Variants in RAD50 observed in about 807,000 individuals in gnomAD.
RAD50 encodes the protein RAD50 double strand break repair protein.
In RAD50, 132 loss-of-function variants were observed where a neutral mutation model predicts 168.8. That is an observed-to-expected ratio of 0.78 (90% CI 0.68 to 0.90). The LOEUF (loss-of-function observed/expected upper bound fraction) is 0.90. RAD50 is among the 40% of genes least tolerant of loss of function. RAD50 has a pLI of 0.00. For missense variants in RAD50, 1,347 were observed against 1,534.4 expected, an observed-to-expected ratio of 0.88 and a Z score of 2.04; for synonymous variants, 525 against 497.4, an observed-to-expected ratio of 1.06 and a Z score of -0.74.
At chr5:132,566,773 T>G (rs753816167) in intron 2 of RAD50, among the ~76,000 whole-genome samples, 1 of 152,246 alleles carries the variant, frequency 6.6e-6, no homozygotes, top group African/African-American at 2.4e-5. Flanking sequence ...ACATTTTAGG[T>G]TGATACTCTT....
intron 16 of RAD50, among the ~76,000 whole-genome samples, chr5:132,607,797 T>A (rs998004321): frequency 2.0e-5 from 3 of 152,168 alleles, no homozygotes; most frequent in African/African-American, 4.8e-5. Context: ...GGCATTTGAC[T>A]TCCTAACACA....
At position 132,643,937 on chromosome 5, in the gene RAD50, C is replaced by T; in HGVS notation, c.*1573C>T. On this transcript the variant is annotated 3_prime_UTR_variant, in exon 25 of 25. Transcript: ENST00000378823. ...AGCAGCTATATTTGATAAAATTCAA[C>T]ATCTCCTAGCTTTAGCAAACTCACA... The T allele has an allele frequency of 4.3e-6, 1 of 230,404 alleles. No homozygotes were observed. The allele number at this position is 230,404 out of a possible 1,614,324, so 14.3% of individuals were successfully genotyped here.
At chr5:132,634,884 T>TAAAC (rs1751544288) in intron 21 of RAD50, among the ~76,000 whole-genome samples, 1 of 152,240 alleles carries the variant, frequency 6.6e-6, no homozygotes. Context: ...TTTCTTGTTG[T>TAAAC]AAACACTACT....
chr5:132,612,755 G>A (rs1751108830), intron 19 of RAD50, among the ~76,000 whole-genome samples: 1 of 152,016 alleles, frequency 6.6e-6, no homozygotes, highest in Non-Finnish European at 1.5e-5. Context: ...TTGAGCTGGG[G>A]AGTTCAAGGC....
In RAD50 at chr5:132,642,835, A is replaced by T. The variant is rs1048726050; in HGVS notation, c.*471A>T. Reference sequence around the variant, plus strand: ...AGGATGACCAGAAATGGTGAGATGTATGTTTGGCTCTGCTTTTAACTTTAT... The same window carrying T: ...AGGATGACCAGAAATGGTGAGATGTTTGTTTGGCTCTGCTTTTAACTTTAT... On this transcript the variant is annotated 3_prime_UTR_variant, in exon 25 of 25. Coordinates refer to ENST00000378823, the MANE Select transcript of RAD50 (RefSeq NM_005732.4). 2.5e-5 allele frequency: 9 copies of T among 362,532 alleles called. No homozygotes were observed. The highest frequency in any genetic ancestry group is 1.6e-4 in the African/African-American group (8 of 48,966). 22.5% of individuals were successfully genotyped at this position (362,532 alleles called of 1,614,324 possible).
rs766722948 is a variant in RAD50, at chr5:132,579,530, G to A, written c.551+28G>A. On this transcript the variant is annotated intron_variant, in intron 4 of 24. Coordinates refer to ENST00000378823, the MANE Select transcript of RAD50 (RefSeq NM_005732.4). ...TTGTAACCCTTAAATAGACTTTGTAGTCCATTAAGTTATTGAACTGTGTTT... is the reference window on the plus strand; with the variant it reads ...TTGTAACCCTTAAATAGACTTTGTAATCCATTAAGTTATTGAACTGTGTTT... 7 of 1,587,492 alleles carry A rather than the reference G, an allele frequency of 4.4e-6. No homozygotes were observed. The South Asian group carries it at 5.5e-5, about 13-fold the overall frequency.
At chr5:132,583,976 T>G (rs573260961) in intron 5 of RAD50, among the ~76,000 whole-genome samples, 10 of 152,198 alleles carry the variant, frequency 6.6e-5, no homozygotes, top group Admixed American at 5.2e-4. Context: ...GGATTACAGG[T>G]GTGAGCCACT....
chr5:132,564,270 C>T (rs1363599822), intron 2 of RAD50, among the ~76,000 whole-genome samples: 1 of 152,098 alleles, frequency 6.6e-6, no homozygotes, highest in East Asian at 1.9e-4. Context: ...ATTATTTTGA[C>T]CAAAATGCTG....
At chr5:132,625,288 G>T (rs1025423745) in intron 21 of RAD50, among the ~76,000 whole-genome samples, 3 of 151,714 alleles carry the variant, frequency 2.0e-5, no homozygotes, top group African/African-American at 7.3e-5. Context: ...GGGTTTCACC[G>T]TTTTAGCCGG....
At chr5:132,603,836 T>A in intron 14 of RAD50, 84 bp from the exon 15 acceptor site, 1 of 1,262,538 alleles carries the variant, frequency 7.9e-7, no homozygotes, top group Non-Finnish European at 1.1e-6. Context: ...ATTTAAAAAA[T>A]AAATGATAAG....
chr5:132,562,074 A>T (rs1380677374), intron 2 of RAD50, among the ~76,000 whole-genome samples: 1 of 152,236 alleles, frequency 6.6e-6, no homozygotes, highest in East Asian at 1.9e-4. Context: ...AAAACATTTC[A>T]TTCAGTCTAG....
intron 9 of RAD50, 151 bp from the exon 10 acceptor site, chr5:132,591,072 AT>A (rs1340297104): frequency 2.7e-6 from 2 of 741,232 alleles, no homozygotes; most frequent in Non-Finnish European, 4.6e-6. Context: ...CTTAGAGCAT[AT>A]ATAGTGCCTT....
rs892069738 is a variant in RAD50, at chr5:132,603,375, A to T, written c.2283A>T (p.Ile761=). Residue 761 remains isoleucine, a synonymous_variant, in exon 14 of 25, where the codon ATA becomes ATT. Transcript: ENST00000378823. ...RNKLQNVNRD[I]QRLKNDIEEQ... ...AACTGCAGAATGTCAATAGAGACAT[A>T]CAGCGCCTAAAGAACGACATAGAAG... The T allele has an allele frequency of 3.7e-6, 6 of 1,613,814 alleles. No individual in the cohort carries two copies. Among genetic ancestry groups the T allele is most frequent in the Non-Finnish European group, 5.1e-6 (6 of 1,179,754 alleles).
intron 16 of RAD50, among the ~76,000 whole-genome samples, chr5:132,606,669 A>G (rs1338066431): frequency 1.3e-5 from 2 of 152,174 alleles, no homozygotes; most frequent in African/African-American, 4.8e-5. Flanking sequence ...ACAACAAAAA[A>G]AGAAAATTTC....
In RAD50 at chr5:132,564,970, C is replaced by T. The variant is rs374492999; in HGVS notation, c.213+5603C>T. 2.5e-3 allele frequency among the ~76,000 whole-genome samples: 380 copies of T among 152,292 alleles called. 3 individuals carry two copies. The highest frequency in any genetic ancestry group is 0.023 in the South Asian group (110 of 4,820). On this transcript the variant is annotated intron_variant, in intron 2 of 24. Transcript: ENST00000378823. ...CTAGATTTCAGGGGATGTATGGAAA[C>T]GTCTGGATGTCCAGGCAGAAGTCTG...
intron 16 of RAD50, among the ~76,000 whole-genome samples, chr5:132,606,349 A>G (rs1750985178): frequency 6.6e-6 from 1 of 152,248 alleles, no homozygotes; most frequent in African/African-American, 2.4e-5. Flanking sequence ...AAACACCTCT[A>G]CGCAAATAAA....
At chr5:132,633,870 G>C (rs1476096596) in intron 21 of RAD50, among the ~76,000 whole-genome samples, 1 of 151,690 alleles carries the variant, frequency 6.6e-6, no homozygotes, top group Non-Finnish European at 1.5e-5. Flanking sequence ...CATTCATTTG[G>C]ATTTTATTTT....
Position 132,633,098 on chromosome 5 carries a change from C to CTT in RAD50, c.3390-3998_3390-3997dup, listed in dbSNP as rs34616055. Among the ~76,000 whole-genome samples the CTT allele has an allele frequency of 3.7e-3, 415 of 113,016 alleles. 6 individuals are homozygous for CTT. Among genetic ancestry groups the CTT allele is most frequent in the Middle Eastern group, 0.016 (3 of 190 alleles). 74.1% of individuals were successfully genotyped at this position (113,016 alleles called of 152,430 possible). On this transcript the variant is annotated intron_variant, in intron 21 of 24. Coordinates refer to ENST00000378823, the MANE Select transcript of RAD50 (RefSeq NM_005732.4). ...GTCCATCAATTTTCTTTCGTTTTTTCTTTTTTTTTTTTTTTTTTTTGAGAC... is the reference window on the plus strand; with the variant it reads ...GTCCATCAATTTTCTTTCGTTTTTTCTTTTTTTTTTTTTTTTTTTTTTGAGAC...
In RAD50 at chr5:132,557,002, A is replaced by G. The variant is rs1469274121; in HGVS notation, c.-323A>G. 2 of 800,382 alleles carry G rather than the reference A, an allele frequency of 2.5e-6. No individual in the cohort carries two copies. The highest frequency in any genetic ancestry group is 3.6e-6 in the Non-Finnish European group (2 of 557,250). The allele number at this position is 800,382 out of a possible 1,614,324, so 49.6% of individuals were successfully genotyped here. ...ACGTGATCCGCAGGGCGGCCGAGGC[A>G]GGAAGCTGTGAGTGCGCGGTTGCGG... On this transcript the variant is annotated 5_prime_UTR_variant, in exon 1 of 25. Coordinates refer to ENST00000378823, the MANE Select transcript of RAD50 (RefSeq NM_005732.4).
Sources: gnomAD v4.1 joint callset for allele counts (sites outside exome capture counted in the v4.1 genomes callset) on GRCh38, gnomAD v4.1.1 for gene constraint, MANE v1.5 for transcripts, NCBI Gene and HGNC (gene_info 2026-07-23, HGNC 2026-07-21) for gene names.